Variants in AKAIN1 observed in about 807,000 individuals in gnomAD.
AKAIN1 encodes the protein A-kinase anchor inhibitor 1.
In AKAIN1, 3 loss-of-function variants were observed where a neutral mutation model predicts 3.7. The ratio of observed to expected loss-of-function variants is 0.82; its 90% CI spans 0.37 to 2.12. The LOEUF (loss-of-function observed/expected upper bound fraction) is 2.12, where lower values mean the gene tolerates loss of function less well. AKAIN1 is among the 30% of genes most tolerant of loss of function. The pLI, the probability that AKAIN1 is intolerant of heterozygous loss-of-function variation, is 0.06. For missense variants in AKAIN1, 82 were observed against 82.7 expected (o/e 0.99, Z 0.03); for synonymous variants, 31 against 30.8 (o/e 1.01, Z -0.02).
At chr18:5,176,757 G>GA (rs1346834177) in intron 1 of AKAIN1, among the ~76,000 whole-genome samples, 10 of 152,032 alleles carry the variant, frequency 6.6e-5, no homozygotes, top group Non-Finnish European at 1.0e-4. Flanking sequence ...GCAACTTTAA[G>GA]AAAAAACACG....
chr18:5,184,176 C>T (rs1042229298), intron 1 of AKAIN1, among the ~76,000 whole-genome samples: 4 of 152,010 alleles, frequency 2.6e-5, no homozygotes, highest in East Asian at 1.9e-4. Context: ...ACATGCCCCA[C>T]AATGACAGCA....
intron 1 of AKAIN1, among the ~76,000 whole-genome samples, chr18:5,190,850 G>T (rs924065549): frequency 1.3e-5 from 2 of 151,994 alleles, no homozygotes; most frequent in African/African-American, 4.8e-5. Context: ...ATTTATAAGG[G>T]TCCCACCCCC....
At chr18:5,179,619 G>A (rs913022428) in intron 1 of AKAIN1, among the ~76,000 whole-genome samples, 1 of 152,086 alleles carries the variant, frequency 6.6e-6, no homozygotes, top group South Asian at 2.1e-4. Flanking sequence ...TAGATCTAAT[G>A]GTAGTTCTAG....
At chr18:5,196,837 T>C (rs2071350553) in intron 1 of AKAIN1, among the ~76,000 whole-genome samples, 1 of 151,890 alleles carries the variant, frequency 6.6e-6, no homozygotes, top group Non-Finnish European at 1.5e-5. Flanking sequence ...GGGCTGGAGA[T>C]TGTTAGAGGA....
At chr18:5,192,262 A>G (rs564543183) in intron 1 of AKAIN1, among the ~76,000 whole-genome samples, 2 of 152,146 alleles carry the variant, frequency 1.3e-5, no homozygotes, top group Non-Finnish European at 2.9e-5. Context: ...GTTTTTAGGA[A>G]AAGGATCTTG....
chr18:5,170,933 C>G (rs2143348103), intron 1 of AKAIN1: 1 of 152,216 alleles, frequency 6.6e-6, no homozygotes, highest in East Asian at 1.9e-4. Context: ...GCTGGTTGAA[C>G]AGCATCAACC....
intron 1 of AKAIN1, among the ~76,000 whole-genome samples, chr18:5,146,843 C>T (rs1266429901): frequency 6.6e-6 from 1 of 152,194 alleles, no homozygotes; most frequent in Non-Finnish European, 1.5e-5. Context: ...TACAAAAAAA[C>T]AGACCACAGG....
chr18:5,167,345 G>A (rs1035971074), intron 1 of AKAIN1, among the ~76,000 whole-genome samples: 28 of 152,006 alleles, frequency 1.8e-4, no homozygotes, highest in Non-Finnish European at 2.4e-4. Context: ...TCGTATGGCC[G>A]CCCTTGAACC....
chr18:5,171,501 C>T (rs969634179), intron 1 of AKAIN1, among the ~76,000 whole-genome samples: 1 of 151,938 alleles, frequency 6.6e-6, no homozygotes, highest in Non-Finnish European at 1.5e-5. Context: ...GGAAAAAAAT[C>T]TAATAATCCA....
chr18:5,174,296 C>A (rs1480432639), intron 1 of AKAIN1, among the ~76,000 whole-genome samples: 3 of 152,086 alleles, frequency 2.0e-5, no homozygotes, highest in Admixed American at 6.6e-5. Flanking sequence ...GGAATACTGC[C>A]TATAGGGACT....
intron 1 of AKAIN1, chr18:5,159,380 G>A (rs1378255252): frequency 6.6e-6 from 1 of 152,124 alleles, no homozygotes; most frequent in Non-Finnish European, 1.5e-5. Flanking sequence ...CTGAGAACCA[G>A]AAATGAAGAC....
intron 1 of AKAIN1, among the ~76,000 whole-genome samples, chr18:5,152,807 C>A (rs1245142096): frequency 6.6e-6 from 1 of 152,148 alleles, no homozygotes; most frequent in Non-Finnish European, 1.5e-5. Flanking sequence ...GAGAGGAACT[C>A]AAGGCAGCCT....
At chr18:5,184,643 A>G (rs1310422811) in intron 1 of AKAIN1, among the ~76,000 whole-genome samples, 2 of 152,148 alleles carry the variant, frequency 1.3e-5, no homozygotes, top group Non-Finnish European at 2.9e-5. Flanking sequence ...CAGGGAGGTA[A>G]AAGATCTCTA....
At chr18:5,174,060 T>C (rs1280427208) in intron 1 of AKAIN1, among the ~76,000 whole-genome samples, 1 of 152,092 alleles carries the variant, frequency 6.6e-6, no homozygotes. Context: ...CTGCCCTGGG[T>C]TTCCTGGCTA....
intron 1 of AKAIN1, among the ~76,000 whole-genome samples, chr18:5,153,331 G>A (rs796738953): frequency 4.7e-5 from 7 of 149,986 alleles, no homozygotes; most frequent in African/African-American, 1.5e-4. Context: ...TAATTTTGAA[G>A]GAAAGAAAAA....
In AKAIN1 at chr18:5,145,369, C is replaced by A. The variant is rs1372253288; in HGVS notation, c.*193G>T. On this transcript the variant is annotated 3_prime_UTR_variant, in exon 2 of 2. Coordinates refer to ENST00000434239, the MANE Select transcript of AKAIN1 (RefSeq NM_001145194.2). ...GCCCCACTATGTCTCAGAGGCACTG[C>A]ATAAATATGAACAGAATCGTCTAAT... is the stretch of plus-strand genomic sequence containing the variant. 4 of 488,424 alleles carry A rather than the reference C, an allele frequency of 8.2e-6. No individual in the cohort carries two copies. Among genetic ancestry groups the A allele is most frequent in the African/African-American group, 1.9e-5 (1 of 52,210 alleles). The allele number at this position is 488,424 out of a possible 1,614,324, so 30.3% of individuals were successfully genotyped here.
At chr18:5,154,605 G>C (rs944483206) in intron 1 of AKAIN1, among the ~76,000 whole-genome samples, 7 of 152,066 alleles carry the variant, frequency 4.6e-5, no homozygotes, top group Non-Finnish European at 2.9e-5. Context: ...TGGCCAAGGG[G>C]ACCCCAGAGT....
chr18:5,168,215 AGAC>A (rs1323529014), intron 1 of AKAIN1, among the ~76,000 whole-genome samples: 3 of 152,154 alleles, frequency 2.0e-5, no homozygotes, highest in Non-Finnish European at 2.9e-5. Context: ...TGAAGTAAAG[AGAC>A]GAGGCTAACT....
intron 1 of AKAIN1, among the ~76,000 whole-genome samples, chr18:5,185,573 G>A (rs1329059367): frequency 6.6e-6 from 1 of 152,102 alleles, no homozygotes; most frequent in Admixed American, 6.6e-5. Flanking sequence ...AGACATACAT[G>A]TAGCCAATAA....
Sources: allele counts gnomAD v4.1 joint callset (sites outside exome capture counted in the v4.1 genomes callset), GRCh38; gene constraint gnomAD v4.1.1; transcripts MANE v1.5; gene names NCBI Gene and HGNC (gene_info 2026-07-23, HGNC 2026-07-21).